CEP250: variants seen among roughly 807,000 people sequenced by gnomAD.
CEP250 encodes the protein centrosomal protein 250.
Under a neutral mutation model 315.7 loss-of-function variants are expected in CEP250, and 242 were observed. The ratio of observed to expected loss-of-function variants is 0.77; its 90% confidence interval spans 0.69 to 0.85. CEP250 has a LOEUF of 0.85. Ranked by LOEUF, CEP250 falls within the 40% of genes least tolerant of loss-of-function variation. The probability of loss-of-function intolerance (pLI) is 0.00; values close to 1 mark genes in which losing one functional copy is unlikely to be tolerated. For synonymous variants in CEP250, 1,088 were observed against 1,175.0 expected (o/e 0.93, Z 1.51); for missense variants, 2,515 against 2,886.4 (o/e 0.87, Z 2.95).
In CEP250 at chr20:35,497,907, G is replaced by A. The variant is rs764615392; in HGVS notation, c.3495G>A (p.Ala1165=). The part of the protein sequence containing the change: ...RLRSTESQLE[A]LAAEQQPGNQ... ...GCAGCACAGAGAGCCAGCTAGAAGC[G>A]CTGGCCGCAGAGCAGCAGCCCGGGA... Residue 1165 remains alanine, a synonymous_variant, in exon 26 of 35, where the codon GCG becomes GCA. Coordinates refer to ENST00000397527, the MANE Select transcript of CEP250 (RefSeq NM_007186.6). 27 of 1,608,296 alleles carry A rather than the reference G, an allele frequency of 1.7e-5. No individual in the cohort carries two copies. Among genetic ancestry groups the A allele is most frequent in the Middle Eastern group, 3.3e-4 (2 of 6,012 alleles).
At chr20:35,472,862 CAG>C (rs779368998) in intron 12 of CEP250, 31 bp downstream of exon 12, 2 of 1,612,532 alleles carry the variant, frequency 1.2e-6, no homozygotes, top group Non-Finnish European at 1.7e-6. Context: ...ACCTCAGTCA[CAG>C]GGGTTTGTGT....
At chr20:35,496,753 C>A (rs1483677725) in intron 25 of CEP250, 38 bp downstream of exon 25, 3 of 1,588,724 alleles carry the variant, frequency 1.9e-6, no homozygotes, top group Middle Eastern at 1.8e-4. Flanking sequence ...GCATCCCTGG[C>A]AGAAGCCTGA....
intron 9 of CEP250, 123 bp from the exon 10 acceptor site, chr20:35,469,764 AAGG>A: frequency 5.5e-6 from 3 of 547,632 alleles, no homozygotes; most frequent in East Asian, 3.0e-5. Context: ...GGGGGTGCCT[AAGG>A]GATTTGGGGG....
In CEP250 at chr20:35,511,492, GC is replaced by G; in HGVS notation, c.7198del (p.Gln2400ArgfsTer19). The G allele has an allele frequency of 1.2e-6, 2 of 1,614,154 alleles. No homozygotes were observed. Among genetic ancestry groups the G allele is most frequent in the Non-Finnish European group, 1.7e-6 (2 of 1,180,026 alleles). On this transcript the variant is annotated frameshift_variant, in exon 35 of 35. Coordinates refer to ENST00000397527, the MANE Select transcript of CEP250 (RefSeq NM_007186.6). LOFTEE classifies it high-confidence loss of function. ...HSLSHSLLAV[A>X]QAPEATVLEA... ...CCTCTCACACTCACTTCTTGCCGTG[GC>G]CCAGGCCCCTGAGGCCACTGTCCTG...
intron 23 of CEP250, among the ~76,000 whole-genome samples, chr20:35,493,973 A>C (rs2063766373): frequency 6.6e-6 from 1 of 152,172 alleles, no homozygotes; most frequent in Non-Finnish European, 1.5e-5. Context: ...AGTTATAGTC[A>C]GCCTTTTTTT....
In CEP250 at chr20:35,517,614, T is replaced by G. The variant is rs904202383; in HGVS notation, c.*5988T>G. Reference sequence around the variant, plus strand: ...GTGGTTAAGACATTTTAGCTAGGAATGATGGTGCGTGCCTGTAGTCCCAGC... The same window carrying G: ...GTGGTTAAGACATTTTAGCTAGGAAGGATGGTGCGTGCCTGTAGTCCCAGC... On this transcript the variant is annotated 3_prime_UTR_variant, in exon 35 of 35. Coordinates refer to ENST00000397527, the MANE Select transcript of CEP250 (RefSeq NM_007186.6). 1 of 152,160 alleles carries G rather than the reference T, an allele frequency of 6.6e-6. No homozygotes were observed. The highest frequency in any genetic ancestry group is 2.4e-5 in the African/African-American group (1 of 41,418). The allele number at this position is 152,160 out of a possible 1,614,324, so 9.4% of individuals were successfully genotyped here. A position where few individuals can be genotyped will look rare whatever the true frequency, so the allele number is the denominator to read the frequency against.
chr20:35,518,219 C>T lies in CEP250; in HGVS notation c.*6593C>T, dbSNP rs1186175838. On this transcript the variant is annotated 3_prime_UTR_variant, in exon 35 of 35. Transcript: ENST00000397527. ...TGTCTATGTGGTGCCATAACGGGTC[C>T]AGTATCTGGACACGAGGCCGCACTA... The T allele has an allele frequency of 2.0e-5, 3 of 151,486 alleles. No individual in the cohort carries two copies. Among genetic ancestry groups the T allele is most frequent in the Non-Finnish European group, 4.4e-5 (3 of 67,932 alleles). 9.4% of individuals were successfully genotyped at this position (151,486 alleles called of 1,614,324 possible).
In CEP250 at chr20:35,490,806, T is replaced by C; in HGVS notation, c.2754+2T>C. 6.2e-7 allele frequency: 1 copy of C among 1,611,920 alleles called. No individual in the cohort carries two copies. The highest frequency in any genetic ancestry group is 1.1e-5 in the South Asian group (1 of 90,996). On this transcript the variant is annotated splice_donor_variant, in intron 21 of 34. Coordinates refer to ENST00000397527, the MANE Select transcript of CEP250 (RefSeq NM_007186.6). LOFTEE classifies it high-confidence loss of function. Reference sequence around the variant, plus strand: ...CAGGCAGAGAGTGCCCTATGCCAGGTGGGAAGCTAGGAGGATTGGAGCTGC... The same window carrying C: ...CAGGCAGAGAGTGCCCTATGCCAGGCGGGAAGCTAGGAGGATTGGAGCTGC...
chr20:35,480,058 G>A lies in CEP250; in HGVS notation c.2499G>A (p.Leu833=), dbSNP rs377301561. ...EQERDAAARQ[L]AQAEQEGKTA... ...AGCGGGATGCTGCAGCCAGACAGCT[G>A]GCCCAGGCTGAGCAAGAAGGGAAGA... The change falls in exon 20 of 35, where the codon CTG becomes CTA. Residue 833 remains leucine, a synonymous_variant. Coordinates refer to ENST00000397527, the MANE Select transcript of CEP250 (RefSeq NM_007186.6). 3.7e-6 allele frequency: 6 copies of A among 1,613,094 alleles called. No individual in the cohort carries two copies. The highest frequency in any genetic ancestry group is 1.3e-5 in the African/African-American group (1 of 74,894).
intron 20 of CEP250, among the ~76,000 whole-genome samples, chr20:35,488,852 G>A (rs867514285): frequency 1.3e-5 from 2 of 152,050 alleles, no homozygotes; most frequent in Non-Finnish European, 2.9e-5. Context: ...GGGGAGAAGG[G>A]CTTTCCAGGT....
At chr20:35,506,600 A>C (rs1314805043) in intron 30 of CEP250, among the ~76,000 whole-genome samples, 1 of 152,122 alleles carries the variant, frequency 6.6e-6, no homozygotes, top group East Asian at 1.9e-4. Context: ...CCAGACACAC[A>C]GTCCCCCAGA....
chr20:35,467,745 CT>C (rs2062924301), intron 9 of CEP250, among the ~76,000 whole-genome samples, 190 bp downstream of exon 9: 1 of 152,102 alleles, frequency 6.6e-6, no homozygotes, highest in African/African-American at 2.4e-5. Flanking sequence ...CTCAGCCTGT[CT>C]TTTAGCCCAG....
At chr20:35,496,775 T>G (rs889185701) in intron 25 of CEP250, 60 bp downstream of exon 25, 52 of 1,559,180 alleles carry the variant, frequency 3.3e-5, no homozygotes, top group Non-Finnish European at 4.4e-5. Flanking sequence ...TCTGAAGCGG[T>G]GGATTGATTG....
intron 10 of CEP250, 122 bp from the exon 11 acceptor site, chr20:35,471,928 G>A (rs915724410): frequency 1.0e-5 from 7 of 671,886 alleles, no homozygotes; most frequent in Admixed American, 8.7e-5. Context: ...ATTGACATAT[G>A]GTCAGGGAAA....
At chr20:35,479,866 C>T in intron 19 of CEP250, 93 bp downstream of exon 19, 2 of 1,597,030 alleles carry the variant, frequency 1.3e-6, no homozygotes, top group Non-Finnish European at 1.7e-6. Flanking sequence ...CCTTCTCCAG[C>T]AGGGTGCAGG....
At chr20:35,462,580 G>T in intron 4 of CEP250, 27 bp downstream of exon 4, 1 of 1,560,034 alleles carries the variant, frequency 6.4e-7, no homozygotes. Context: ...TTTGGGGAGG[G>T]GAAAGAGAAC....
At chr20:35,475,689 A>G (rs754010083) in intron 15 of CEP250, 43 bp downstream of exon 15, 31 of 1,604,442 alleles carry the variant, frequency 1.9e-5, no homozygotes, top group South Asian at 1.1e-4. Context: ...GGCGGCTTCG[A>G]AAGTGTGTTC....
chr20:35,496,515 T>G, intron 24 of CEP250, 62 bp from the exon 25 acceptor site: 2 of 1,427,884 alleles, frequency 1.4e-6, no homozygotes, highest in Non-Finnish European at 1.9e-6. Flanking sequence ...AATACTCAGA[T>G]GAGAAGGTAA....
chr20:35,469,020 A>T (rs1341794672), intron 9 of CEP250, among the ~76,000 whole-genome samples: 2 of 152,178 alleles, frequency 1.3e-5, no homozygotes, highest in Non-Finnish European at 2.9e-5. Context: ...AAATGACCAT[A>T]CAGTGTGTTA....
Sources: gnomAD v4.1 joint callset for allele counts (sites outside exome capture counted in the v4.1 genomes callset) on GRCh38, gnomAD v4.1.1 for gene constraint, MANE v1.5 for transcripts, NCBI Gene and HGNC (gene_info 2026-07-23, HGNC 2026-07-21) for gene names.